The following SGK1 variants were observed in gnomAD, a reference collection of about 807,000 sequenced individuals.
SGK1 encodes the protein serum/glucocorticoid regulated kinase 1, also known as serine/threonine-protein kinase Sgk1.
A neutral mutation model predicts 64.2 loss-of-function variants in SGK1; 26 were observed. The ratio of observed to expected loss-of-function variants is 0.40; its 90% CI spans 0.30 to 0.56. The LOEUF (loss-of-function observed/expected upper bound fraction) is 0.56. Ranked by LOEUF, SGK1 falls within the 20% of genes least tolerant of loss-of-function variation. The pLI is 0.38. For synonymous variants in SGK1, 265 were observed against 239.7 expected (o/e 1.11, Z -0.98); for missense variants, 519 against 645.6 (o/e 0.80, Z 2.12).
intron 2 of SGK1, among the ~76,000 whole-genome samples, chr6:134,217,318 A>G (rs1776002001): frequency 6.6e-6 from 1 of 152,216 alleles, no homozygotes; most frequent in South Asian, 2.1e-4. Flanking sequence ...CACGAGCTCC[A>G]GCAACAGGAG....
chr6:134,205,508 C>T (rs763933434), intron 3 of SGK1, among the ~76,000 whole-genome samples: 1 of 151,806 alleles, frequency 6.6e-6, no homozygotes, highest in Non-Finnish European at 1.5e-5. Context: ...CAGCCTCTGA[C>T]TCCCTTTTAT....
intron 2 of SGK1, among the ~76,000 whole-genome samples, chr6:134,213,545 A>G (rs1174987116): frequency 7.0e-6 from 1 of 142,106 alleles, no homozygotes. Flanking sequence ...AAATAAATAA[A>G]TAAAATGTCC....
intron 2 of SGK1, among the ~76,000 whole-genome samples, chr6:134,233,429 G>A (rs1473106071): frequency 6.6e-6 from 1 of 152,198 alleles, no homozygotes; most frequent in East Asian, 1.9e-4. Context: ...GGTCCCATGA[G>A]CATCAATCAT....
intron 3 of SGK1, chr6:134,175,813 C>T (rs1269934022): frequency 3.1e-6 from 4 of 1,271,528 alleles, no homozygotes; most frequent in Middle Eastern, 3.0e-4. Flanking sequence ...GGGTCGCTTC[C>T]GAAAACGCCT....
In SGK1 at chr6:134,269,743, G is replaced by A. The variant is rs1265102253; in HGVS notation, c.70-7595C>T. Among the ~76,000 whole-genome samples, 4 of 147,698 alleles carry A rather than the reference G, an allele frequency of 2.7e-5. 1 individual carries two copies. Among genetic ancestry groups the A allele is most frequent in the South Asian group, 2.2e-4 (1 of 4,548 alleles). On this transcript the variant is annotated intron_variant, in intron 1 of 13. Transcript: ENST00000367858. ...GGGTGCATGCTAGCAGGTTAGTTAC[G>A]GCATGAGTGTAATTTAGGAGAAGGC...
chr6:134,195,318 G>C (rs538922511), intron 3 of SGK1, among the ~76,000 whole-genome samples: 3 of 152,300 alleles, frequency 2.0e-5, no homozygotes, highest in Admixed American at 6.5e-5. Flanking sequence ...AGAGAAAATT[G>C]TAAGTTCCAC....
intron 2 of SGK1, among the ~76,000 whole-genome samples, chr6:134,256,190 T>A (rs1343466694): frequency 6.6e-6 from 1 of 152,108 alleles, no homozygotes; most frequent in Non-Finnish European, 1.5e-5. Context: ...TGCCAGATCC[T>A]TTTACAAACA....
At chr6:134,224,297 G>A (rs1020971815) in intron 2 of SGK1, among the ~76,000 whole-genome samples, 1 of 152,122 alleles carries the variant, frequency 6.6e-6, no homozygotes, top group Non-Finnish European at 1.5e-5. Context: ...CAGGTCATTA[G>A]GACTATGAAG....
At chr6:134,247,793 A>G (rs983775267) in intron 2 of SGK1, among the ~76,000 whole-genome samples, 1 of 152,220 alleles carries the variant, frequency 6.6e-6, no homozygotes, top group Admixed American at 6.5e-5. Context: ...CACTAAAATT[A>G]TAGATAATTT....
At chr6:134,240,364 T>C (rs906845690) in intron 2 of SGK1, among the ~76,000 whole-genome samples, 3 of 151,234 alleles carry the variant, frequency 2.0e-5, no homozygotes, top group African/African-American at 7.3e-5. Context: ...TTAGGATAAT[T>C]GTAAGATCCA....
chr6:134,297,842 C>A, intron 1 of SGK1: 2 of 744,168 alleles, frequency 2.7e-6, no homozygotes, highest in Non-Finnish European at 4.8e-6. Context: ...CCCCGTGCTT[C>A]CCAGCCAGCA....
intron 3 of SGK1, among the ~76,000 whole-genome samples, chr6:134,181,741 C>T (rs372452085): frequency 6.6e-6 from 1 of 152,294 alleles, no homozygotes. Context: ...CCTGTAAACT[C>T]TGTGTGCCAG....
intron 1 of SGK1, among the ~76,000 whole-genome samples, chr6:134,295,617 C>T (rs535759791): frequency 1.3e-5 from 2 of 151,752 alleles, no homozygotes; most frequent in Non-Finnish European, 2.9e-5. Flanking sequence ...GCAGGAGGAT[C>T]GCTTGAACCT....
At chr6:134,291,294 C>T (rs957423195) in intron 1 of SGK1, among the ~76,000 whole-genome samples, 7 of 152,154 alleles carry the variant, frequency 4.6e-5, no homozygotes, top group Admixed American at 1.3e-4. Context: ...ATAAAAATTA[C>T]AGGAGGCTGT....
rs556153722 is a variant in SGK1 at position 134,234,166 on chromosome 6, G to A, written c.286-26735C>T. Reference sequence around the variant, plus strand: ...TGTGATTCCATCACTCTAGGAGGCCGAGGCAGGCAGATCACCTGAGTGATC... The same window carrying A: ...TGTGATTCCATCACTCTAGGAGGCCAAGGCAGGCAGATCACCTGAGTGATC... On this transcript the variant is annotated intron_variant, in intron 2 of 13. Coordinates refer to ENST00000367858, the MANE Select transcript of SGK1 (RefSeq NM_001143676.3). 3.3e-5 allele frequency among the ~76,000 whole-genome samples: 5 copies of A among 152,310 alleles called. No individual in the cohort carries two copies. In the East Asian group the frequency reaches 9.6e-4, roughly 29 times the overall value.
At chr6:134,182,140 G>A (rs1442178207) in intron 3 of SGK1, among the ~76,000 whole-genome samples, 1 of 152,124 alleles carries the variant, frequency 6.6e-6, no homozygotes. Context: ...TTACAAGTGT[G>A]AGCCACTGTG....
At position 134,306,912 on chromosome 6, in the gene SGK1, G is replaced by GC. The variant is rs551368547; in HGVS notation, c.69+10479_69+10480insG. Among the ~76,000 whole-genome samples the GC allele has an allele frequency of 1.3e-3, 93 of 71,056 alleles. 5 individuals carry two copies. In the East Asian group the frequency reaches 0.046, roughly 35 times the overall value. 46.6% of individuals were successfully genotyped at this position (71,056 alleles called of 152,430 possible). A position where few individuals can be genotyped will look rare whatever the true frequency, so the allele number is the denominator to read the frequency against. On this transcript the variant is annotated intron_variant, in intron 1 of 13. Coordinates refer to ENST00000367858, the MANE Select transcript of SGK1 (RefSeq NM_001143676.3). ...ATGATGAGAATACAAAGAAATAAAA[G>GC]GGGGGGGGGGCGGAATTTCAACACT...
At chr6:134,219,805 G>A (rs1469690163) in intron 2 of SGK1, among the ~76,000 whole-genome samples, 4 of 145,340 alleles carry the variant, frequency 2.8e-5, no homozygotes, top group Non-Finnish European at 3.0e-5. Context: ...CACGCCTGTA[G>A]TCCCAGCACT....
At chr6:134,300,532 T>C (rs62425198) in intron 1 of SGK1, among the ~76,000 whole-genome samples, 65,003 of 126,658 alleles carry the variant, frequency 0.51, 16,990 homozygotes, top group East Asian at 0.9. Flanking sequence ...CGCAAGACTC[T>C]GTCTCAAAAA....
Sources: allele counts gnomAD v4.1 joint callset (sites outside exome capture counted in the v4.1 genomes callset), GRCh38; gene constraint gnomAD v4.1.1; transcripts MANE v1.5; gene names NCBI Gene and HGNC (gene_info 2026-07-23, HGNC 2026-07-21).